GCNT2: variants seen among roughly 807,000 people sequenced by gnomAD.
GCNT2 encodes the protein glucosaminyl (N-acetyl) transferase 2 (I blood group), also known as N-acetyllactosaminide beta-1,6-N-acetylglucosaminyl-transferase.
GCNT2 carries 34 observed loss-of-function variants against 34.2 expected under a neutral mutation model. The observed-to-expected ratio is 1.00, with a 90% CI of 0.76 to 1.32. The LOEUF (loss-of-function observed/expected upper bound fraction) is 1.32, where lower values mean the gene tolerates loss of function less well. Ranked by LOEUF, GCNT2 falls within the 40% of genes most tolerant of loss-of-function variation. The pLI, the probability that GCNT2 is intolerant of heterozygous loss-of-function variation, is 0.00. For missense variants in GCNT2, 584 were observed against 489.4 expected (o/e 1.19, Z -1.82); for synonymous variants, 212 against 188.0 (o/e 1.13, Z -1.04).
chr6:10,611,865 A>T (rs1395210490), intron 3 of GCNT2, among the ~76,000 whole-genome samples: 2 of 152,242 alleles, frequency 1.3e-5, no homozygotes, highest in Non-Finnish European at 1.5e-5. Context: ...ACATTAAAGA[A>T]AGTTTTATAA....
At chr6:10,567,425 C>T (rs1387627550) in intron 3 of GCNT2, among the ~76,000 whole-genome samples, 2 of 152,144 alleles carry the variant, frequency 1.3e-5, no homozygotes, top group Non-Finnish European at 2.9e-5. Flanking sequence ...CCACTGCATT[C>T]CAGCCCTGGC....
At chr6:10,556,859 C>G in intron 3 of GCNT2, 1 of 1,614,116 alleles carries the variant, frequency 6.2e-7, no homozygotes, top group South Asian at 1.1e-5. Context: ...AAGCTGCTTC[C>G]CAAACGCTTT....
chr6:10,578,383 T>A (rs1470103207), intron 3 of GCNT2, among the ~76,000 whole-genome samples: 1 of 139,016 alleles, frequency 7.2e-6, no homozygotes, highest in African/African-American at 2.8e-5. Context: ...TGAGACTCTG[T>A]CTAAAAGTAA....
Position 10,587,463 on chromosome 6 carries a change from T to C in GCNT2, c.926-33888T>C, listed in dbSNP as rs59848390. ...CAAGTAGCCAGGTCTCAGCTCTTCT[T>C]GTTTCTACAAATCTAACCTGATATT... On this transcript the variant is annotated intron_variant, in intron 3 of 4. Coordinates refer to ENST00000495262, the MANE Select transcript of GCNT2 (RefSeq NM_145649.5). 6.3e-3 allele frequency among the ~76,000 whole-genome samples: 964 copies of C among 152,314 alleles called. 14 individuals carry two copies. The highest frequency in any genetic ancestry group is 0.02 in the African/African-American group (833 of 41,580).
chr6:10,544,869 C>T (rs142911380), intron 3 of GCNT2, among the ~76,000 whole-genome samples: 4 of 151,608 alleles, frequency 2.6e-5, no homozygotes, highest in African/African-American at 4.8e-5. Flanking sequence ...CACTGGAAAC[C>T]GGGAGGCAGA....
intron 3 of GCNT2, among the ~76,000 whole-genome samples, chr6:10,614,625 CAAAAA>C (rs34015959): frequency 2.6e-4 from 28 of 105,906 alleles, no homozygotes; most frequent in African/African-American, 3.7e-4. Flanking sequence ...GACTCTGTCT[CAAAAA>C]AAAAAAAAAA....
intron 3 of GCNT2, 180 bp downstream of exon 3, chr6:10,530,016 T>C (rs1761407899): frequency 3.3e-6 from 2 of 602,828 alleles, no homozygotes; most frequent in Admixed American, 2.7e-5. Flanking sequence ...TCACCCACTC[T>C]TGTGAACCGC....
intron 3 of GCNT2, chr6:10,557,470 C>A: frequency 1.3e-6 from 1 of 744,120 alleles, no homozygotes. Flanking sequence ...CACCCTAGTC[C>A]TTTCTAAATG....
intron 3 of GCNT2, chr6:10,581,922 C>T (rs1764083886): frequency 2.1e-6 from 2 of 956,312 alleles, no homozygotes; most frequent in African/African-American, 1.8e-5. Flanking sequence ...CATACAGTCA[C>T]ATTTCTAGAG....
chr6:10,622,742 C>CTTTTTTTTTTTTT (rs36097125), intron 4 of GCNT2, among the ~76,000 whole-genome samples: 2 of 74,472 alleles, frequency 2.7e-5, no homozygotes, highest in Non-Finnish European at 5.3e-5. Flanking sequence ...CTCAGTCCAT[C>CTTTTTTTTTTTTT]TTTTTTTTTT....
chr6:10,603,180 G>A (rs1399046045), intron 3 of GCNT2, among the ~76,000 whole-genome samples: 1 of 152,184 alleles, frequency 6.6e-6, no homozygotes, highest in African/African-American at 2.4e-5. Context: ...ACGTGTACAT[G>A]AGTGACGCCT....
chr6:10,627,814 C>CTGTATT lies in GCNT2; in HGVS notation c.*1207_*1208insTGTATT, dbSNP rs1766330967. On this transcript the variant is annotated 3_prime_UTR_variant, in exon 5 of 5. Transcript: ENST00000495262. Reference sequence around the variant, plus strand: ...CACACAGGGCTGTGTAGCATGATACCAGGCCCAGGAGATCAGTAATTACAA... The same window carrying CTGTATT: ...CACACAGGGCTGTGTAGCATGATACCTGTATTAGGCCCAGGAGATCAGTAATTACAA... 5.9e-5 allele frequency: 9 copies of CTGTATT among 152,208 alleles called. No homozygotes were observed. The highest frequency in any genetic ancestry group is 2.2e-4 in the African/African-American group (9 of 41,522). The allele number at this position is 152,208 out of a possible 1,614,324, so 9.4% of individuals were successfully genotyped here. A position where few individuals can be genotyped will look rare whatever the true frequency, so the allele number is the denominator to read the frequency against.
rs150148449 is a variant in GCNT2, at chr6:10,543,438, G to A, written c.925+13602G>A. ...ACTCCTTACCTCAAATGATCCACCT[G>A]CCTCGGCCTCCCAAAGTTCTGGGAT... On this transcript the variant is annotated intron_variant, in intron 3 of 4. Coordinates refer to ENST00000495262, the MANE Select transcript of GCNT2 (RefSeq NM_145649.5). 5.2e-3 allele frequency among the ~76,000 whole-genome samples: 792 copies of A among 152,190 alleles called. 6 individuals carry two copies. The highest frequency in any genetic ancestry group is 0.018 in the African/African-American group (758 of 41,512).
intron 3 of GCNT2, among the ~76,000 whole-genome samples, chr6:10,580,297 T>C (rs1378971228): frequency 1.3e-5 from 2 of 152,026 alleles, no homozygotes. Flanking sequence ...ATGCAGGCTC[T>C]CTCATTCCCA....
chr6:10,533,285 GAC>G (rs1167990424), intron 3 of GCNT2, among the ~76,000 whole-genome samples: 1 of 151,842 alleles, frequency 6.6e-6, no homozygotes, highest in Non-Finnish European at 1.5e-5. Flanking sequence ...GCGTCTGGGC[GAC>G]AGAGTGAGAC....
At chr6:10,528,555 C>T (rs972196294) in intron 2 of GCNT2, 76 bp from the exon 3 acceptor site, 25 of 352,664 alleles carry the variant, frequency 7.1e-5, no homozygotes, top group South Asian at 6.7e-4. Context: ...TCACCTCACC[C>T]ACTTGTAATT....
At position 10,527,481 on chromosome 6, in the gene GCNT2, T is replaced by C. The variant is rs1019915312; in HGVS notation, c.-461T>C. 2.0e-5 allele frequency: 3 copies of C among 152,200 alleles called. No homozygotes were observed. Among genetic ancestry groups the C allele is most frequent in the Non-Finnish European group, 4.4e-5 (3 of 68,036 alleles). 9.4% of individuals were successfully genotyped at this position (152,200 alleles called of 1,614,324 possible). ...CTTGTCTACTACATACAGACAATGC[T>C]AGGAGCCAGAAACATGAGGAATACA... On this transcript the variant is annotated 5_prime_UTR_variant, in exon 2 of 5. Coordinates refer to ENST00000495262, the MANE Select transcript of GCNT2 (RefSeq NM_145649.5).
chr6:10,619,540 G>GA (rs1222061985), intron 3 of GCNT2: 6 of 152,220 alleles, frequency 3.9e-5, no homozygotes, highest in Non-Finnish European at 8.8e-5. Context: ...TTTTAGTAGA[G>GA]ATAGGGTCTC....
chr6:10,563,777 A>AAATATAT (rs1554130891), intron 3 of GCNT2, among the ~76,000 whole-genome samples: 3 of 24,712 alleles, frequency 1.2e-4, no homozygotes, highest in African/African-American at 3.9e-4. Context: ...AAAAAAAAAA[A>AAATATAT]ATATATATAT....
Sources: gnomAD v4.1 joint callset for allele counts (sites outside exome capture counted in the v4.1 genomes callset) on GRCh38, gnomAD v4.1.1 for gene constraint, MANE v1.5 for transcripts, NCBI Gene and HGNC (gene_info 2026-07-23, HGNC 2026-07-21) for gene names.